Variants in RABGAP1L observed in about 807,000 individuals in gnomAD.
RABGAP1L encodes RAB GTPase activating protein 1 like, also known as rab GTPase-activating protein 1-like.
Under a neutral mutation model 137.7 loss-of-function variants are expected in RABGAP1L, and 63 were observed. The observed-to-expected ratio is 0.46, with a 90% CI of 0.37 to 0.56. The LOEUF (loss-of-function observed/expected upper bound fraction) is 0.56. Ranked by LOEUF, RABGAP1L falls within the 20% of genes least tolerant of loss-of-function variation. The pLI, the probability that RABGAP1L is intolerant of heterozygous loss-of-function variation, is 0.00. For missense variants in RABGAP1L, 1,095 were observed against 1,244.0 expected (o/e 0.88, Z 1.80); for synonymous variants, 431 against 433.7 (o/e 0.99, Z 0.08).
intron 11 of RABGAP1L, among the ~76,000 whole-genome samples, chr1:174,324,826 G>T (rs1283710276): frequency 6.6e-6 from 1 of 152,050 alleles, no homozygotes; most frequent in Non-Finnish European, 1.5e-5. Context: ...TAAACAAGGA[G>T]GTTTAATAAG....
chr1:174,724,371 G>A (rs1400789854), intron 17 of RABGAP1L, among the ~76,000 whole-genome samples: 1 of 152,170 alleles, frequency 6.6e-6, no homozygotes, highest in Non-Finnish European at 1.5e-5. Context: ...GGCATTGAAA[G>A]GAGTGAAAAA....
chr1:174,276,568 A>G (rs1675023162), intron 9 of RABGAP1L, among the ~76,000 whole-genome samples: 1 of 152,148 alleles, frequency 6.6e-6, no homozygotes, highest in South Asian at 2.1e-4. Flanking sequence ...TGAAAAGGAA[A>G]TATTTTAGAA....
chr1:174,269,186 G>T (rs1257775343), intron 7 of RABGAP1L, among the ~76,000 whole-genome samples: 4 of 152,132 alleles, frequency 2.6e-5, no homozygotes, highest in African/African-American at 9.7e-5. Context: ...CTCGTGATCC[G>T]CCCACCTCGG....
At chr1:174,641,012 A>G (rs1358711581) in intron 14 of RABGAP1L, among the ~76,000 whole-genome samples, 1 of 147,998 alleles carries the variant, frequency 6.8e-6, no homozygotes, top group Admixed American at 6.8e-5. Context: ...ATTAAATATA[A>G]TTAATTAAAA....
At chr1:174,614,623 C>G (rs1443370724) in intron 13 of RABGAP1L, among the ~76,000 whole-genome samples, 1 of 152,160 alleles carries the variant, frequency 6.6e-6, no homozygotes, top group Admixed American at 6.5e-5. Context: ...GAATGTTGGC[C>G]TGCCTTGCTA....
intron 13 of RABGAP1L, among the ~76,000 whole-genome samples, chr1:174,546,355 C>G (rs1475803820): frequency 6.6e-6 from 1 of 151,924 alleles, no homozygotes; most frequent in Non-Finnish European, 1.5e-5. Flanking sequence ...ATGTAGGTAG[C>G]CTATTAGGTA....
At chr1:174,779,689 C>G (rs1233793901) in intron 18 of RABGAP1L, among the ~76,000 whole-genome samples, 3 of 152,190 alleles carry the variant, frequency 2.0e-5, no homozygotes, top group Non-Finnish European at 4.4e-5. Flanking sequence ...AGAAATCATA[C>G]TAACCCTTAC....
intron 10 of RABGAP1L, among the ~76,000 whole-genome samples, chr1:174,283,420 TAAAA>T (rs905957902): frequency 6.6e-6 from 1 of 150,744 alleles, no homozygotes; most frequent in Non-Finnish European, 1.5e-5. Context: ...AAAATAATAA[TAAAA>T]AAAAGAAAAA....
rs141326948 is a variant in RABGAP1L, at chr1:174,731,835, G to A, written c.2170-20478G>A. 5.0e-3 allele frequency among the ~76,000 whole-genome samples: 760 copies of A among 152,290 alleles called. 6 individuals carry two copies. The highest frequency in any genetic ancestry group is 0.016 in the African/African-American group (656 of 41,550). On this transcript the variant is annotated intron_variant, in intron 17 of 25. Coordinates refer to ENST00000681986, the MANE Select transcript of RABGAP1L (RefSeq NM_001366446.1). The stretch of plus-strand genomic sequence containing the variant: ...AGAACTTAAGGACTTCCATGTCTCT[G>A]TACACTTATTCAATCTGTTCTTATT...
At chr1:174,440,528 A>C (rs759505139) in intron 13 of RABGAP1L, among the ~76,000 whole-genome samples, 1 of 152,182 alleles carries the variant, frequency 6.6e-6, no homozygotes, top group Non-Finnish European at 1.5e-5. Flanking sequence ...GTACATTTTT[A>C]AATTTATTGA....
intron 1 of RABGAP1L, among the ~76,000 whole-genome samples, chr1:174,163,428 TTTG>T (rs1029625649): frequency 1.3e-5 from 2 of 152,166 alleles, no homozygotes; most frequent in African/African-American, 4.8e-5. Flanking sequence ...CTAACTCTTT[TTTG>T]TTATCTTTTG....
At chr1:174,392,480 C>T (rs1254026344) in intron 12 of RABGAP1L, among the ~76,000 whole-genome samples, 2 of 152,104 alleles carry the variant, frequency 1.3e-5, no homozygotes, top group East Asian at 3.8e-4. Context: ...TTTATTTTTG[C>T]TTCAAGCCCA....
At chr1:174,315,603 C>G (rs1679299402) in intron 11 of RABGAP1L, among the ~76,000 whole-genome samples, 1 of 143,896 alleles carries the variant, frequency 6.9e-6, no homozygotes, top group Non-Finnish European at 1.5e-5. Flanking sequence ...TTCTCTGTTG[C>G]TATGATTTCA....
At chr1:174,199,716 GA>G in intron 1 of RABGAP1L, among the ~76,000 whole-genome samples, 1 of 152,094 alleles carries the variant, frequency 6.6e-6, no homozygotes, top group East Asian at 1.9e-4. Flanking sequence ...ACGGTCTTTT[GA>G]AAATCTTAAA....
chr1:174,799,990 T>A, intron 18 of RABGAP1L: 1 of 1,049,118 alleles, frequency 9.5e-7, no homozygotes, highest in Non-Finnish European at 1.1e-6. Context: ...TCTCACACAT[T>A]CTCACATGCT....
chr1:174,501,798 A>C (rs970209710), intron 13 of RABGAP1L, among the ~76,000 whole-genome samples: 4 of 152,124 alleles, frequency 2.6e-5, no homozygotes, highest in Non-Finnish European at 4.4e-5. Flanking sequence ...TCTTGGTTCC[A>C]AATAGGTTTT....
intron 17 of RABGAP1L, among the ~76,000 whole-genome samples, chr1:174,751,776 A>G (rs551947977): frequency 6.6e-6 from 1 of 152,344 alleles, no homozygotes; most frequent in South Asian, 2.1e-4. Context: ...TTATACAAAT[A>G]ATACTTGAAA....
chr1:174,765,599 A>T (rs1449796392), intron 18 of RABGAP1L, among the ~76,000 whole-genome samples: 6 of 144,804 alleles, frequency 4.1e-5, no homozygotes, highest in East Asian at 4.0e-4. Flanking sequence ...TGTCCAGCAA[A>T]TTTTTTTTTT....
At chr1:174,773,159 A>G (rs1686253382) in intron 18 of RABGAP1L, among the ~76,000 whole-genome samples, 1 of 66,210 alleles carries the variant, frequency 1.5e-5, no homozygotes, top group Non-Finnish European at 4.6e-5. Context: ...CTTCTAAGCT[A>G]TGGGGTGTGT....
Sources: allele counts gnomAD v4.1 joint callset (sites outside exome capture counted in the v4.1 genomes callset), GRCh38; gene constraint gnomAD v4.1.1; transcripts MANE v1.5; gene names NCBI Gene and HGNC (gene_info 2026-07-23, HGNC 2026-07-21).